The following SYNE1 variants were observed in gnomAD, a reference collection of about 807,000 sequenced individuals.
The protein encoded by SYNE1 is spectrin repeat containing nuclear envelope protein 1, also known as nesprin-1.
SYNE1 carries 616 observed loss-of-function variants against 1,111.0 expected under a neutral mutation model. That is an observed-to-expected ratio of 0.55 (90% CI 0.52 to 0.59). SYNE1 has a LOEUF of 0.59. Among genes scored for constraint, SYNE1 ranks in the 20% least tolerant of loss-of-function variants. SYNE1 has a pLI of 0.00. For synonymous variants in SYNE1, 3,855 were observed against 3,825.8 expected (o/e 1.01, Z -0.28); for missense variants, 10,006 against 10,417.0 (o/e 0.96, Z 1.72).
intron 73 of SYNE1, among the ~76,000 whole-genome samples, chr6:152,344,635 A>T (rs1018760584): frequency 1.3e-5 from 2 of 152,204 alleles, no homozygotes; most frequent in Non-Finnish European, 2.9e-5. Flanking sequence ...ATAAAAAATG[A>T]TCTCAAAAAA....
chr6:152,427,630 A>C (rs1004021573), intron 38 of SYNE1, 63 bp downstream of exon 38: 3 of 1,585,696 alleles, frequency 1.9e-6, no homozygotes, highest in African/African-American at 1.3e-5. Context: ...TTATTATTTT[A>C]AATAATGTAA....
chr6:152,262,237 A>G (rs1214249771), intron 100 of SYNE1, 49 bp from the exon 101 acceptor site: 3 of 1,553,388 alleles, frequency 1.9e-6, no homozygotes, highest in Admixed American at 1.7e-5. Flanking sequence ...CAAAAAAGTG[A>G]TAAGACAGGT....
chr6:152,195,628 T>C (rs189451939), intron 127 of SYNE1, among the ~76,000 whole-genome samples: 1 of 152,352 alleles, frequency 6.6e-6, no homozygotes, highest in Admixed American at 6.5e-5. Flanking sequence ...AGATTCTTGT[T>C]CTCTTTCCTT....
At chr6:152,528,421 A>C (rs2099175679) in intron 4 of SYNE1, among the ~76,000 whole-genome samples, 1 of 152,182 alleles carries the variant, frequency 6.6e-6, no homozygotes, top group African/African-American at 2.4e-5. Context: ...CAGTTTGTAT[A>C]AGGTATTCTT....
chr6:152,187,739 G>GAA (rs1470053046), intron 128 of SYNE1, among the ~76,000 whole-genome samples: 1 of 152,060 alleles, frequency 6.6e-6, no homozygotes, highest in Admixed American at 6.6e-5. Context: ...GAGAGAGAGA[G>GAA]AGAGAGATGG....
In SYNE1 at chr6:152,325,100, G is replaced by A. The variant is rs367744351; in HGVS notation, c.15641C>T (p.Thr5214Met). 127 of 1,613,950 alleles carry A rather than the reference G, an allele frequency of 7.9e-5. No homozygotes were observed. Among genetic ancestry groups the A allele is most frequent in the Non-Finnish European group, 1.1e-4 (124 of 1,180,030 alleles). ...GGAAACTACCTTGTTGTTAAAGCCCGTCCACTCATCCACTGCATCTTCCAG... is the reference window on the plus strand; with the variant it reads ...GGAAACTACCTTGTTGTTAAAGCCCATCCACTCATCCACTGCATCTTCCAG... ...KILEDAVDEW[T>M]GFNNKVKKAT... Residue 5214 changes from threonine to methionine, a missense_variant, in exon 81 of 146, where the codon ACG (threonine) becomes ATG (methionine). By Grantham distance (81) the Thr-to-Met change is moderately conservative. Transcript: ENST00000367255.
At chr6:152,269,929 G>C (rs140437729) in intron 98 of SYNE1, among the ~76,000 whole-genome samples, 330 of 152,250 alleles carry the variant, frequency 2.2e-3, no homozygotes, top group Non-Finnish European at 4.1e-3. Flanking sequence ...TAGAGGCAAG[G>C]AGTCTAAACA....
intron 130 of SYNE1, among the ~76,000 whole-genome samples, chr6:152,174,716 T>G (rs576288899): frequency 6.6e-6 from 1 of 152,292 alleles, no homozygotes; most frequent in East Asian, 1.9e-4. Flanking sequence ...ACACAATGTG[T>G]GCGTGATGAT....
chr6:152,490,057 C>T (rs745653953), intron 11 of SYNE1, among the ~76,000 whole-genome samples: 7 of 152,060 alleles, frequency 4.6e-5, no homozygotes, highest in Non-Finnish European at 1.0e-4. Context: ...CAATCAATAG[C>T]AGATTGAAAA....
At chr6:152,604,357 C>A (rs1239193339) in intron 3 of SYNE1, among the ~76,000 whole-genome samples, 1 of 152,066 alleles carries the variant, frequency 6.6e-6, no homozygotes, top group Admixed American at 6.5e-5. Context: ...GGCTGGAGTG[C>A]AGTAGTGTGA....
chr6:152,201,691 C>A lies in SYNE1; in HGVS notation c.23145+133G>T, dbSNP rs967457560. The A allele has an allele frequency of 3.0e-6, 4 of 1,331,632 alleles. No homozygotes were observed. In the Admixed American group the frequency reaches 7.0e-5, roughly 23 times the overall value. 82.5% of individuals were successfully genotyped at this position (1,331,632 alleles called of 1,614,324 possible). ...AGCCATACAAGTTTCACCTGAGTTG[C>A]CTGTCCTTATGTCATATACTAGGAT... On this transcript the variant is annotated intron_variant, in intron 127 of 145. Transcript: ENST00000367255.
intron 88 of SYNE1, 21 bp downstream of exon 88, chr6:152,310,667 C>CTT: frequency 4.6e-6 from 7 of 1,509,418 alleles, no homozygotes; most frequent in Admixed American, 1.8e-5. Flanking sequence ...TTTTCTGTTT[C>CTT]TTTTTTTTTT....
At chr6:152,320,695 A>T (rs866444386) in intron 84 of SYNE1, among the ~76,000 whole-genome samples, 49 of 152,272 alleles carry the variant, frequency 3.2e-4, no homozygotes, top group African/African-American at 1.2e-3. Flanking sequence ...TATAGACAGG[A>T]TTATGTTTCT....
chr6:152,422,534 A>C (rs2098280871), intron 39 of SYNE1, among the ~76,000 whole-genome samples: 1 of 150,966 alleles, frequency 6.6e-6, no homozygotes. Flanking sequence ...ACAAAGTATC[A>C]CTCTGTTACC....
intron 3 of SYNE1, among the ~76,000 whole-genome samples, chr6:152,581,610 A>T (rs989581811): frequency 6.6e-6 from 1 of 152,054 alleles, no homozygotes; most frequent in Non-Finnish European, 1.5e-5. Flanking sequence ...CTTTGCTTTC[A>T]TTCCTTGTCC....
chr6:152,293,453 C>T (rs1025589565), intron 95 of SYNE1, 135 bp downstream of exon 95: 9 of 863,960 alleles, frequency 1.0e-5, no homozygotes, highest in Admixed American at 1.9e-5. Context: ...CCCTTGTTTA[C>T]TCTGGAAGAA....
intron 11 of SYNE1, among the ~76,000 whole-genome samples, chr6:152,493,022 G>T (rs912515224): frequency 6.6e-6 from 1 of 152,034 alleles, no homozygotes; most frequent in African/African-American, 2.4e-5. Context: ...CTGGGCTACA[G>T]CCACATCTCA....
At chr6:152,477,550 A>G (rs2098842227) in intron 14 of SYNE1, among the ~76,000 whole-genome samples, 1 of 152,156 alleles carries the variant, frequency 6.6e-6, no homozygotes, top group African/African-American at 2.4e-5. Context: ...CTTCACTGAC[A>G]ACCCTATTTA....
At chr6:152,397,811 G>A (rs562336748) in intron 49 of SYNE1, among the ~76,000 whole-genome samples, 4 of 151,972 alleles carry the variant, frequency 2.6e-5, no homozygotes, top group Non-Finnish European at 5.9e-5. Context: ...GACCAGCCTG[G>A]CCTACATGGT....
Sources: gnomAD v4.1 joint callset for allele counts (sites outside exome capture counted in the v4.1 genomes callset) on GRCh38, gnomAD v4.1.1 for gene constraint, MANE v1.5 for transcripts, NCBI Gene and HGNC (gene_info 2026-07-23, HGNC 2026-07-21) for gene names.